Variants in RBMS3 observed in about 807,000 individuals in gnomAD.
RBMS3 encodes the protein RNA-binding motif, single-stranded-interacting protein 3.
Under a neutral mutation model 66.8 loss-of-function variants are expected in RBMS3, and 27 were observed. The observed-to-expected ratio is 0.40, with a 90% CI of 0.30 to 0.56. RBMS3 has a LOEUF of 0.56. Ranked by LOEUF, RBMS3 falls within the 20% of genes least tolerant of loss-of-function variation. The pLI, the probability that RBMS3 is intolerant of heterozygous loss-of-function variation, is 0.40. For missense variants in RBMS3, 513 were observed against 549.5 expected (o/e 0.93, Z 0.66); for synonymous variants, 188 against 183.0 (o/e 1.03, Z -0.22).
chr3:29,874,753 C>A (rs1464146261), intron 7 of RBMS3, among the ~76,000 whole-genome samples: 1 of 151,822 alleles, frequency 6.6e-6, no homozygotes, highest in Non-Finnish European at 1.5e-5. Flanking sequence ...TTTTTTGGCA[C>A]AAGAATTTGA....
At chr3:29,651,281 G>A (rs2050135830) in intron 4 of RBMS3, among the ~76,000 whole-genome samples, 1 of 152,170 alleles carries the variant, frequency 6.6e-6, no homozygotes, top group Non-Finnish European at 1.5e-5. Context: ...ATTAGAAACA[G>A]CATCTAATAT....
chr3:29,328,845 G>A (rs768910592), intron 1 of RBMS3, among the ~76,000 whole-genome samples: 1 of 152,030 alleles, frequency 6.6e-6, no homozygotes, highest in Non-Finnish European at 1.5e-5. Flanking sequence ...ATAAAGCTGA[G>A]GGCAGTCTTC....
At chr3:29,739,987 AAAATT>A in intron 5 of RBMS3, 110 bp downstream of exon 5, 13 of 967,922 alleles carry the variant, frequency 1.3e-5, no homozygotes, top group Admixed American at 1.3e-4. Flanking sequence ...AAAAAAAAAA[AAAATT>A]AAAAGTAGCT....
chr3:29,975,648 G>A (rs749742704), intron 12 of RBMS3, among the ~76,000 whole-genome samples: 33 of 151,960 alleles, frequency 2.2e-4, no homozygotes, highest in Non-Finnish European at 3.8e-4. Flanking sequence ...ATCATATAGT[G>A]AGATCCCTTG....
rs183364767 is a variant in RBMS3 at position 29,961,508 on chromosome 3, T to G, written c.1098+17254T>G. Among the ~76,000 whole-genome samples the G allele has an allele frequency of 1.1e-3, 165 of 152,288 alleles. 1 individual carries two copies. The highest frequency in any genetic ancestry group is 2.2e-4 in the Non-Finnish European group (15 of 68,016). On this transcript the variant is annotated intron_variant, in intron 12 of 14. Transcript: ENST00000383767. Reference sequence around the variant, plus strand: ...ACAGTACCAATTTACTATACTAGTCTGTTCTCATGCTGCTATGAAGAACTT... The same window carrying G: ...ACAGTACCAATTTACTATACTAGTCGGTTCTCATGCTGCTATGAAGAACTT...
intron 7 of RBMS3, chr3:29,880,786 G>A (rs1450278632): frequency 1.3e-6 from 2 of 1,536,144 alleles, no homozygotes; most frequent in Non-Finnish European, 1.7e-6. Flanking sequence ...AAGGTACTCA[G>A]AGGCAGGACT....
intron 14 of RBMS3, among the ~76,000 whole-genome samples, chr3:30,000,722 G>A (rs1295512110): frequency 6.6e-6 from 1 of 152,140 alleles, no homozygotes; most frequent in Non-Finnish European, 1.5e-5. Flanking sequence ...AAAAGGATGA[G>A]TTCATGTCCT....
chr3:29,831,290 G>T (rs369429093), intron 6 of RBMS3, among the ~76,000 whole-genome samples: 1 of 152,292 alleles, frequency 6.6e-6, no homozygotes, highest in East Asian at 1.9e-4. Context: ...GGACTGAGTA[G>T]AAGTTAAGAG....
intron 2 of RBMS3, among the ~76,000 whole-genome samples, chr3:29,480,763 G>T (rs979772054): frequency 6.6e-6 from 1 of 152,184 alleles, no homozygotes; most frequent in African/African-American, 2.4e-5. Flanking sequence ...CCAGTGTATG[G>T]ATGGAAAGGA....
At chr3:29,644,380 A>G (rs17613797) in intron 4 of RBMS3, among the ~76,000 whole-genome samples, 18,948 of 152,202 alleles carry the variant, frequency 0.12, 1,273 homozygotes, top group Middle Eastern at 0.23. Context: ...TGTGGGAGGT[A>G]TATGCCACTA....
chr3:29,750,806 C>T (rs1576694715), intron 5 of RBMS3, among the ~76,000 whole-genome samples: 1 of 152,202 alleles, frequency 6.6e-6, no homozygotes, highest in East Asian at 1.9e-4. Flanking sequence ...TTTTAACATA[C>T]CAAATAAGTG....
chr3:29,316,988 A>G (rs892751615), intron 1 of RBMS3, among the ~76,000 whole-genome samples: 2 of 151,770 alleles, frequency 1.3e-5, no homozygotes, highest in African/African-American at 4.8e-5. Flanking sequence ...TTGATGCCCA[A>G]TTTGTATGTA....
intron 8 of RBMS3, among the ~76,000 whole-genome samples, chr3:29,889,170 T>C (rs185420609): frequency 6.6e-6 from 1 of 151,716 alleles, no homozygotes; most frequent in Non-Finnish European, 1.5e-5. Context: ...CCATGCTACT[T>C]TGTACTTCTG....
At chr3:29,689,339 A>T (rs1485047336) in intron 4 of RBMS3, among the ~76,000 whole-genome samples, 2 of 152,164 alleles carry the variant, frequency 1.3e-5, no homozygotes, top group Non-Finnish European at 2.9e-5. Context: ...ATAAAGAATT[A>T]AATAAAAATT....
intron 4 of RBMS3, among the ~76,000 whole-genome samples, chr3:29,738,473 A>G (rs1355563731): frequency 6.6e-6 from 1 of 152,238 alleles, no homozygotes; most frequent in Non-Finnish European, 1.5e-5. Flanking sequence ...AATTCATTAT[A>G]TAAAATAGAG....
chr3:29,360,672 G>A (rs2037527075), intron 1 of RBMS3, among the ~76,000 whole-genome samples: 1 of 151,994 alleles, frequency 6.6e-6, no homozygotes, highest in Non-Finnish European at 1.5e-5. Flanking sequence ...TTATTATTGT[G>A]TGGGAGTCTA....
chr3:29,536,030 A>G (rs1162365535), intron 3 of RBMS3, among the ~76,000 whole-genome samples: 1 of 152,150 alleles, frequency 6.6e-6, no homozygotes, highest in African/African-American at 2.4e-5. Flanking sequence ...TTAGCTAGAC[A>G]TATATGTTAC....
rs796180849 is a variant in RBMS3, at chr3:30,002,059, A to G, written c.1308-1797A>G. On this transcript the variant is annotated intron_variant, in intron 14 of 14. Transcript: ENST00000383767. ...ATGAAGTTGTAAAGTACTACCATCT[A>G]TTTGCCATCATTTGTTTTCATGTGG... Among the ~76,000 whole-genome samples the G allele has an allele frequency of 7.2e-5, 11 of 152,096 alleles. 1 individual carries two copies. The highest frequency in any genetic ancestry group is 2.1e-4 in the South Asian group (1 of 4,830).
At chr3:29,527,181 T>TAAAAAA (rs538907247) in intron 3 of RBMS3, among the ~76,000 whole-genome samples, 4 of 87,820 alleles carry the variant, frequency 4.6e-5, no homozygotes, top group Admixed American at 1.4e-4. Flanking sequence ...TTAGGTAGAG[T>TAAAAAA]AAAAAAAAAA....
Sources: allele counts gnomAD v4.1 joint callset (sites outside exome capture counted in the v4.1 genomes callset), GRCh38; gene constraint gnomAD v4.1.1; transcripts MANE v1.5; gene names NCBI Gene and HGNC (gene_info 2026-07-23, HGNC 2026-07-21).